The following VTI1B variants were observed in gnomAD, a reference collection of about 807,000 sequenced individuals.
VTI1B encodes the protein vesicle transport through interaction with t-SNAREs 1B, also known as vesicle transport through interaction with t-SNAREs homolog 1B.
Under a neutral mutation model 28.6 loss-of-function variants are expected in VTI1B, and 18 were observed. The observed-to-expected ratio is 0.63, with a 90% CI of 0.43 to 0.93. VTI1B has a LOEUF of 0.93. Ranked by LOEUF, VTI1B falls within the 40% of genes least tolerant of loss-of-function variation. VTI1B has a pLI of 0.00. For missense variants in VTI1B, 283 were observed against 297.0 expected (o/e 0.95, Z 0.35); for synonymous variants, 100 against 107.9 (o/e 0.93, Z 0.46).
chr14:67,663,446 G>A lies in VTI1B; in HGVS notation c.116-911C>T, dbSNP rs184184067. ...CCCAGCAATTTGGGAGGCCGAGGCG[G>A]GCGGATCATGAGGTCAGGAGATCGA... is the stretch of plus-strand genomic sequence containing the variant. On this transcript the variant is annotated intron_variant, in intron 1 of 5. Coordinates refer to ENST00000554659, the MANE Select transcript of VTI1B (RefSeq NM_006370.3). Among the ~76,000 whole-genome samples, 1,263 of 152,192 alleles carry A rather than the reference G, an allele frequency of 8.3e-3. 14 individuals are homozygous for A. Among genetic ancestry groups the A allele is most frequent in the Non-Finnish European group, 0.012 (846 of 67,996 alleles).
chr14:67,650,830 G>C lies in VTI1B; in HGVS notation c.*555C>G, dbSNP rs771327205. 8.7e-6 allele frequency: 14 copies of C among 1,614,188 alleles called. No homozygotes were observed. Among genetic ancestry groups the C allele is most frequent in the Middle Eastern group, 1.6e-4 (1 of 6,062 alleles). On this transcript the variant is annotated 3_prime_UTR_variant, in exon 6 of 6. Coordinates refer to ENST00000554659, the MANE Select transcript of VTI1B (RefSeq NM_006370.3). ...ATGTGATTGCTTCAAGCTTTGGTCA[G>C]ACAAGAGAAGGAGGGCATATTGTCT...
At chr14:67,670,870 T>C (rs4902507) in intron 1 of VTI1B, among the ~76,000 whole-genome samples, 62,919 of 151,992 alleles carry the variant, frequency 0.41, 14,245 homozygotes, top group East Asian at 0.68. Context: ...CCTCAGAGCC[T>C]AGACAGTGGC....
In VTI1B at chr14:67,659,858, T is replaced by C; in HGVS notation, c.239A>G (p.Lys80Arg). Residue 80 changes from lysine (K) to arginine (R), a missense_variant, in exon 3 of 6, where the codon AAG becomes AGG. By Grantham distance (26) the Lys-to-Arg change is conservative (BLOSUM62 2). Coordinates refer to ENST00000554659, the MANE Select transcript of VTI1B (RefSeq NM_006370.3). ...PLSFRNPMMSKLRNYRKDLAK... is the reference protein window; with the variant it reads ...PLSFRNPMMSRLRNYRKDLAK... ...AAGGTCCTTCCGGTAGTTTCGAAGC[T>C]TAGACATCATGGGGTTTCGGAAAGA... 6.2e-6 allele frequency: 10 copies of C among 1,614,218 alleles called. No homozygotes were observed. Among genetic ancestry groups the C allele is most frequent in the Non-Finnish European group, 8.5e-6 (10 of 1,180,038 alleles).
chr14:67,654,152 G>T (rs1166538971), intron 4 of VTI1B, among the ~76,000 whole-genome samples: 1 of 152,144 alleles, frequency 6.6e-6, no homozygotes, highest in Non-Finnish European at 1.5e-5. Flanking sequence ...CGTCACTCAG[G>T]CTGGAGTGCA....
intron 1 of VTI1B, among the ~76,000 whole-genome samples, chr14:67,668,432 G>A (rs2037427829): frequency 6.6e-6 from 1 of 152,180 alleles, no homozygotes; most frequent in Admixed American, 6.5e-5. Flanking sequence ...TCATTCAAAG[G>A]CAGAAAGTGA....
chr14:67,663,304 G>T, intron 1 of VTI1B: 1 of 665,746 alleles, frequency 1.5e-6, no homozygotes, highest in Non-Finnish European at 2.4e-6. Flanking sequence ...TCTAAAATAT[G>T]ATAGCAAGTT....
chr14:67,667,899 G>A (rs917024889), intron 1 of VTI1B, among the ~76,000 whole-genome samples: 5 of 152,034 alleles, frequency 3.3e-5, no homozygotes, highest in African/African-American at 4.8e-5. Flanking sequence ...AGCCGAGATC[G>A]CGCCACTGCA....
chr14:67,651,545 G>C, intron 5 of VTI1B, 64 bp from the exon 6 acceptor site: 1 of 1,577,580 alleles, frequency 6.3e-7, no homozygotes, highest in Non-Finnish European at 8.6e-7. Context: ...TAAACATTTT[G>C]GGGTTAGACC....
intron 1 of VTI1B, among the ~76,000 whole-genome samples, chr14:67,670,454 T>G (rs1460304543): frequency 6.6e-6 from 1 of 152,178 alleles, no homozygotes; most frequent in Non-Finnish European, 1.5e-5. Flanking sequence ...TATATTCAGT[T>G]TGAAGTTTTT....
At chr14:67,661,475 A>T (rs2037333915) in intron 2 of VTI1B, among the ~76,000 whole-genome samples, 1 of 151,320 alleles carries the variant, frequency 6.6e-6, no homozygotes, top group Non-Finnish European at 1.5e-5. Flanking sequence ...ACATGGTTAG[A>T]ATTACCTCTA....
chr14:67,674,162 C>A (rs1275114345), intron 1 of VTI1B, among the ~76,000 whole-genome samples: 1 of 152,230 alleles, frequency 6.6e-6, no homozygotes, highest in African/African-American at 2.4e-5. Flanking sequence ...TGTGGAAGGC[C>A]ATAGAAGGAT....
At chr14:67,662,084 A>G (rs921001518) in intron 2 of VTI1B, among the ~76,000 whole-genome samples, 2 of 151,278 alleles carry the variant, frequency 1.3e-5, no homozygotes, top group Non-Finnish European at 2.9e-5. Context: ...TGAACCCGGG[A>G]GGTGGAGCTT....
At chr14:67,659,661 C>G (rs1334029910) in intron 3 of VTI1B, 70 bp downstream of exon 3, 95 of 1,458,116 alleles carry the variant, frequency 6.5e-5, no homozygotes, top group Non-Finnish European at 8.0e-5. Flanking sequence ...AATACCCCAA[C>G]AATATAGTTA....
At chr14:67,659,652 A>C (rs2037310471) in intron 3 of VTI1B, 79 bp downstream of exon 3, 52 of 1,409,510 alleles carry the variant, frequency 3.7e-5, no homozygotes, top group Non-Finnish European at 4.7e-5. Flanking sequence ...ATAACATGAA[A>C]TACCCCAACA....
At chr14:67,666,745 C>A (rs2037406629) in intron 1 of VTI1B, among the ~76,000 whole-genome samples, 2 of 152,106 alleles carry the variant, frequency 1.3e-5, no homozygotes, top group South Asian at 4.1e-4. Context: ...AGTGCCTGCC[C>A]CACAGTCATT....
intron 1 of VTI1B, chr14:67,663,274 T>C: frequency 1.0e-6 from 1 of 953,698 alleles, no homozygotes. Context: ...TTTCTGATAG[T>C]TTATACTACA....
intron 2 of VTI1B, chr14:67,660,198 T>C (rs757054779): frequency 3.2e-4 from 84 of 264,916 alleles, no homozygotes; most frequent in Middle Eastern, 2.2e-3. Context: ...CACTTTTATA[T>C]ACATTCTCCA....
chr14:67,650,369 G>C lies in VTI1B; in HGVS notation c.*1016C>G. 3.3e-6 allele frequency: 1 copy of C among 307,572 alleles called. No homozygotes were observed. The highest frequency in any genetic ancestry group is 6.2e-6 in the Non-Finnish European group (1 of 162,470). 19.1% of individuals were successfully genotyped at this position (307,572 alleles called of 1,614,324 possible). Reference sequence around the variant, plus strand: ...GAAGGTTCCTAGTCATACTGGAGGTGGCATACATTTTGCCAACAAGCAGGA... The same window carrying C: ...GAAGGTTCCTAGTCATACTGGAGGTCGCATACATTTTGCCAACAAGCAGGA... On this transcript the variant is annotated 3_prime_UTR_variant, in exon 6 of 6. Coordinates refer to ENST00000554659, the MANE Select transcript of VTI1B (RefSeq NM_006370.3).
rs376527718 is a variant in VTI1B, at chr14:67,659,583, C to A, written c.366+148G>T. On this transcript the variant is annotated intron_variant, in intron 3 of 5. Coordinates refer to ENST00000554659, the MANE Select transcript of VTI1B (RefSeq NM_006370.3). ...AGCAGATACCAAGGGGTAACAGGAA[C>A]TGGATGCAGAAAAGAGGATAAGGGT... is the stretch of plus-strand genomic sequence containing the variant. 11 of 751,768 alleles carry A rather than the reference C, an allele frequency of 1.5e-5. No individual in the cohort carries two copies. In the South Asian group the frequency reaches 1.7e-4, roughly 12 times the overall value. 46.6% of individuals were successfully genotyped at this position (751,768 alleles called of 1,614,324 possible). A position where few individuals can be genotyped will look rare whatever the true frequency, so the allele number is the denominator to read the frequency against.
Sources: allele counts gnomAD v4.1 joint callset (sites outside exome capture counted in the v4.1 genomes callset), GRCh38; gene constraint gnomAD v4.1.1; transcripts MANE v1.5; gene names NCBI Gene and HGNC (gene_info 2026-07-23, HGNC 2026-07-21).